The following SCARA5 variants were observed in gnomAD, a reference collection of about 807,000 sequenced individuals.
SCARA5 encodes scavenger receptor class A, member 5 (putative).
Under a neutral mutation model 46.3 loss-of-function variants are expected in SCARA5, and 45 were observed. The ratio of observed to expected loss-of-function variants is 0.97; its 90% CI spans 0.76 to 1.24. The LOEUF (loss-of-function observed/expected upper bound fraction) is 1.24, where lower values mean the gene tolerates loss of function less well. Among genes scored for constraint, SCARA5 ranks in the 50% most tolerant of loss-of-function variants. SCARA5 has a pLI of 0.00. For synonymous variants in SCARA5, 333 were observed against 306.5 expected (o/e 1.09, Z -0.90); for missense variants, 680 against 689.0 (o/e 0.99, Z 0.15).
chr8:27,897,075 G>A (rs1156533952), intron 7 of SCARA5, among the ~76,000 whole-genome samples: 1 of 145,586 alleles, frequency 6.9e-6, no homozygotes, highest in Admixed American at 7.1e-5. Flanking sequence ...CTGGGCGACA[G>A]AGTGAGACTC....
intron 3 of SCARA5, among the ~76,000 whole-genome samples, chr8:27,941,588 TA>T (rs1807945147): frequency 6.6e-6 from 1 of 152,060 alleles, no homozygotes. Context: ...TGCAAAGTCC[TA>T]TTCAAATTCA....
At chr8:27,880,411 A>G (rs1381167962) in intron 7 of SCARA5, among the ~76,000 whole-genome samples, 1 of 150,204 alleles carries the variant, frequency 6.7e-6, no homozygotes, top group South Asian at 2.1e-4. Context: ...AAAAAAACCT[A>G]TCAACAAAGT....
chr8:27,885,762 C>T (rs1207336699), intron 7 of SCARA5, among the ~76,000 whole-genome samples: 3 of 152,154 alleles, frequency 2.0e-5, no homozygotes, highest in South Asian at 2.1e-4. Flanking sequence ...TTACAATGAC[C>T]GTACATCTCA....
chr8:27,971,856 T>A (rs568506016), intron 2 of SCARA5, among the ~76,000 whole-genome samples: 3 of 152,056 alleles, frequency 2.0e-5, no homozygotes, highest in Non-Finnish European at 2.9e-5. Context: ...TTCTCCTCTG[T>A]AGGCATCCTC....
At chr8:27,924,870 G>A (rs1807656428) in intron 3 of SCARA5, among the ~76,000 whole-genome samples, 1 of 152,104 alleles carries the variant, frequency 6.6e-6, no homozygotes. Context: ...CAAATCATGA[G>A]TATACTCCCA....
chr8:27,931,797 T>A (rs1046819842), intron 3 of SCARA5, among the ~76,000 whole-genome samples: 1 of 151,786 alleles, frequency 6.6e-6, no homozygotes. Context: ...TGGGACTACA[T>A]GCACACGCCA....
At position 27,966,524 on chromosome 8, in the gene SCARA5, C is replaced by T. The variant is rs138333240; in HGVS notation, c.131G>A (p.Arg44Gln). ...CAGCTGGGTACAGCAGATGCTTGCC[C>T]GCCGTTTGTGACATGGACCTGGACA... ...LCEDGPCHKR[R>Q]ASICCTQLGS... The change falls in exon 3 of 9, where the codon CGG (arginine) becomes CAG (glutamine). Residue 44 changes from arginine to glutamine, a missense_variant. By Grantham distance (43) the Arg-to-Gln change is conservative. Coordinates refer to ENST00000354914, the MANE Select transcript of SCARA5 (RefSeq NM_173833.6). The T allele has an allele frequency of 1.5e-4, 235 of 1,612,826 alleles. No homozygotes were observed. Among genetic ancestry groups the T allele is most frequent in the Admixed American group, 4.5e-4 (27 of 59,730 alleles).
intron 7 of SCARA5, among the ~76,000 whole-genome samples, chr8:27,900,776 G>A (rs905049256): frequency 2.1e-4 from 31 of 144,808 alleles, no homozygotes; most frequent in African/African-American, 7.5e-4. Flanking sequence ...CTTGAGATAT[G>A]TATACGTAGC....
At chr8:27,913,238 T>C (rs1006232013) in intron 4 of SCARA5, among the ~76,000 whole-genome samples, 9 of 152,006 alleles carry the variant, frequency 5.9e-5, no homozygotes, top group African/African-American at 2.2e-4. Flanking sequence ...GAAGGTGGGG[T>C]GGGCAGTAAA....
chr8:27,898,661 A>G (rs1585472459), intron 7 of SCARA5, among the ~76,000 whole-genome samples: 1 of 152,190 alleles, frequency 6.6e-6, no homozygotes, highest in Non-Finnish European at 1.5e-5. Context: ...TAAAATTCAT[A>G]GTAAGCCCCT....
chr8:27,945,457 C>T (rs926861205), intron 3 of SCARA5, among the ~76,000 whole-genome samples: 1 of 152,162 alleles, frequency 6.6e-6, no homozygotes, highest in African/African-American at 2.4e-5. Flanking sequence ...TGGGTTTCAG[C>T]CTTATTTTGG....
At position 27,922,231 on chromosome 8, in the gene SCARA5, T is replaced by C; in HGVS notation, c.256A>G (p.Ser86Gly). 1 of 1,567,382 alleles carries C rather than the reference T, an allele frequency of 6.4e-7. No homozygotes were observed. The highest frequency in any genetic ancestry group is 1.2e-5 in the South Asian group (1 of 83,336). ...AGGGCCTTCAGGTCGTCAGGGGAGCTGCGCGGCCTGGACACTGCGGAGGAG... is the reference window on the plus strand; with the variant it reads ...AGGGCCTTCAGGTCGTCAGGGGAGCCGCGCGGCCTGGACACTGCGGAGGAG... ...IFILAVSRPR[S>G]SPDDLKALTR... The change falls in exon 4 of 9, where the codon AGC (serine) becomes GGC (glycine). Residue 86 changes from serine (S) to glycine (G), a missense_variant. Ser to Gly is a moderately conservative substitution (Grantham distance 56, BLOSUM62 0). Around this residue, in one of 3 missense-constraint regions of SCARA5, gnomAD observed 438 missense variants for 384.5 expected, o/e 1.14. Coordinates refer to ENST00000354914, the MANE Select transcript of SCARA5 (RefSeq NM_173833.6).
chr8:27,981,960 C>T (rs1228905430), intron 2 of SCARA5, among the ~76,000 whole-genome samples: 1 of 152,176 alleles, frequency 6.6e-6, no homozygotes, highest in East Asian at 1.9e-4. Flanking sequence ...AGCCCAGCAG[C>T]CCTCAGCTGC....
rs145071592 is a variant in SCARA5, at chr8:27,889,822, C to T, written c.1154-10056G>A. On this transcript the variant is annotated intron_variant, in intron 7 of 8. Coordinates refer to ENST00000354914, the MANE Select transcript of SCARA5 (RefSeq NM_173833.6). ...GAAAATGAACATGTCAACGATTGCA[C>T]GCAGGGGAAGGATAAACCAGCCTTG... Among the ~76,000 whole-genome samples the T allele has an allele frequency of 4.7e-3, 718 of 152,286 alleles. 4 individuals are homozygous for T. Among genetic ancestry groups the T allele is most frequent in the Non-Finnish European group, 8.2e-3 (560 of 68,018 alleles).
intron 4 of SCARA5, among the ~76,000 whole-genome samples, chr8:27,920,953 G>A (rs1425891448): frequency 1.1e-4 from 17 of 152,180 alleles, no homozygotes; most frequent in Non-Finnish European, 1.5e-5. Flanking sequence ...TCCAGCCTGG[G>A]CTACAGAGCG....
intron 3 of SCARA5, among the ~76,000 whole-genome samples, chr8:27,949,314 C>A (rs1382282494): frequency 6.6e-6 from 1 of 152,246 alleles, no homozygotes; most frequent in Non-Finnish European, 1.5e-5. Context: ...TTGACCTTAA[C>A]CACCAGTGCC....
intron 3 of SCARA5, among the ~76,000 whole-genome samples, chr8:27,951,704 A>G (rs1473783275): frequency 1.3e-5 from 2 of 152,190 alleles, no homozygotes; most frequent in Admixed American, 6.5e-5. Flanking sequence ...CCAGAGGAGG[A>G]AGGAAAATCC....
At chr8:27,984,113 C>G (rs1808664756) in intron 2 of SCARA5, among the ~76,000 whole-genome samples, 1 of 152,188 alleles carries the variant, frequency 6.6e-6, no homozygotes, top group East Asian at 1.9e-4. Context: ...CCCTCCCTGC[C>G]TGGCCCCACC....
intron 6 of SCARA5, among the ~76,000 whole-genome samples, chr8:27,905,183 AG>A (rs1807232326): frequency 2.0e-5 from 3 of 151,968 alleles, no homozygotes; most frequent in Admixed American, 2.0e-4. Flanking sequence ...GGGAAAACAA[AG>A]GAGAGGGGGC....
Sources: allele counts gnomAD v4.1 joint callset (sites outside exome capture counted in the v4.1 genomes callset), GRCh38; gene constraint gnomAD v4.1.1; regional missense constraint gnomAD v4.1.1; transcripts MANE v1.5; gene names NCBI Gene and HGNC (gene_info 2026-07-23, HGNC 2026-07-21).